CABP7: variants seen among roughly 807,000 people sequenced by gnomAD.
CABP7 encodes the protein calcium-binding protein 7.
A neutral mutation model predicts 23.1 loss-of-function variants in CABP7; 13 were observed. The ratio of observed to expected loss-of-function variants is 0.56; its 90% CI spans 0.37 to 0.90. CABP7 has a LOEUF of 0.90. Ranked by LOEUF, CABP7 falls within the 40% of genes least tolerant of loss-of-function variation. The pLI is 0.01. For synonymous variants in CABP7, 123 were observed against 115.3 expected, an observed-to-expected ratio of 1.07 and a Z score of -0.43; for missense variants, 248 against 295.6, an observed-to-expected ratio of 0.84 and a Z score of 1.18.
At position 29,731,488 on chromosome 22, in the gene CABP7, G is replaced by T; in HGVS notation, c.*1919G>T. ...CTGCATGACTTTTCTGGAAGGCAGA[G>T]CCTCGAAAATAGGCAGACCGTTTGA... On this transcript the variant is annotated 3_prime_UTR_variant, in exon 5 of 5. Coordinates refer to ENST00000216144, the MANE Select transcript of CABP7 (RefSeq NM_182527.3). The T allele has an allele frequency of 8.0e-7, 1 of 1,257,242 alleles. No homozygotes were observed. The highest frequency in any genetic ancestry group is 1.1e-6 in the Non-Finnish European group (1 of 946,050). 77.9% of individuals were successfully genotyped at this position (1,257,242 alleles called of 1,614,324 possible). A position where few individuals can be genotyped will look rare whatever the true frequency, so the allele number is the denominator to read the frequency against.
At chr22:29,728,909 G>A in intron 3 of CABP7, 146 bp from the exon 4 acceptor site, 1 of 1,166,606 alleles carries the variant, frequency 8.6e-7, no homozygotes, top group Non-Finnish European at 1.2e-6. Flanking sequence ...GGAGGCCGGT[G>A]TTGGTCAAGG....
At position 29,731,074 on chromosome 22, in the gene CABP7, G is replaced by C. The variant is rs983972538; in HGVS notation, c.*1505G>C. ...CTGCCCGGTGCAGACCCAGGACGAGGGCTGCACTTGGTGTGGCCGTGTCCT... is the reference window on the plus strand; with the variant it reads ...CTGCCCGGTGCAGACCCAGGACGAGCGCTGCACTTGGTGTGGCCGTGTCCT... On this transcript the variant is annotated 3_prime_UTR_variant, in exon 5 of 5. Coordinates refer to ENST00000216144, the MANE Select transcript of CABP7 (RefSeq NM_182527.3). The C allele has an allele frequency of 3.9e-6, 3 of 776,126 alleles. No individual in the cohort carries two copies. Among genetic ancestry groups the C allele is most frequent in the Non-Finnish European group, 5.7e-6 (3 of 527,288 alleles). The allele number at this position is 776,126 out of a possible 1,614,324, so 48.1% of individuals were successfully genotyped here. A position where few individuals can be genotyped will look rare whatever the true frequency, so the allele number is the denominator to read the frequency against.
At chr22:29,722,453 CAG>C (rs1228075209) in intron 1 of CABP7, among the ~76,000 whole-genome samples, 5 of 152,264 alleles carry the variant, frequency 3.3e-5, no homozygotes, top group Admixed American at 6.5e-5. Flanking sequence ...GGCCCTGACT[CAG>C]GGGGCATCTG....
Position 29,727,259 on chromosome 22 carries a change from A to G in CABP7, c.110-403A>G, listed in dbSNP as rs1354585755. 1.3e-5 allele frequency among the ~76,000 whole-genome samples: 1 copy of G among 76,256 alleles called. No homozygotes were observed. The highest frequency in any genetic ancestry group is 5.0e-5 in the African/African-American group (1 of 19,928). The allele number at this position is 76,256 out of a possible 152,430, so 50.0% of individuals were successfully genotyped here. On this transcript the variant is annotated intron_variant, in intron 1 of 4. Transcript: ENST00000216144. The surrounding 1 kb of genome is among the most constrained non-coding windows in gnomAD (Gnocchi z 4.2). ...GGGGAGGAGGCGCAGCGGGATGGAG[A>G]TGGTGGGGGAGAGGGGGATGAAAGG...
intron 1 of CABP7, among the ~76,000 whole-genome samples, chr22:29,724,851 T>C (rs1479632738): frequency 2.0e-5 from 3 of 152,180 alleles, no homozygotes; most frequent in Non-Finnish European, 4.4e-5. Flanking sequence ...ATCCCAATAT[T>C]CACCTGCCTT....
Position 29,727,320 on chromosome 22 carries a change from G to A in CABP7, c.110-342G>A, listed in dbSNP as rs1478427649. 6.6e-6 allele frequency among the ~76,000 whole-genome samples: 1 copy of A among 152,074 alleles called. No homozygotes were observed. Among genetic ancestry groups the A allele is most frequent in the Non-Finnish European group, 1.5e-5 (1 of 67,992 alleles). ...GGTGGGGAAGCCGTCAGCAGCCGCG[G>A]GGGCCGGGGAGATCCAGCATCCTCC... On this transcript the variant is annotated intron_variant, in intron 1 of 4. Coordinates refer to ENST00000216144, the MANE Select transcript of CABP7 (RefSeq NM_182527.3). The surrounding 1 kb of genome is among the most constrained non-coding windows in gnomAD (Gnocchi z 4.2).
chr22:29,724,041 G>A (rs1162173312), intron 1 of CABP7, among the ~76,000 whole-genome samples: 1 of 152,222 alleles, frequency 6.6e-6, no homozygotes, highest in Non-Finnish European at 1.5e-5. Context: ...TGCCAAGATG[G>A]TACCCGTCAG....
At chr22:29,723,531 T>C (rs1489582182) in intron 1 of CABP7, among the ~76,000 whole-genome samples, 1 of 152,188 alleles carries the variant, frequency 6.6e-6, no homozygotes, top group African/African-American at 2.4e-5. Context: ...TCTTAGCCCT[T>C]TCTGGCCGAA....
chr22:29,724,101 T>A (rs2067779721), intron 1 of CABP7, among the ~76,000 whole-genome samples: 2 of 152,182 alleles, frequency 1.3e-5, no homozygotes, highest in African/African-American at 4.8e-5. Flanking sequence ...TTCGGGGAAA[T>A]GCACCCAGCT....
Position 29,720,544 on chromosome 22 carries a change from G to T in CABP7, c.109+11G>T, listed in dbSNP as rs867232139. On this transcript the variant is annotated intron_variant, in intron 1 of 4. Coordinates refer to ENST00000216144, the MANE Select transcript of CABP7 (RefSeq NM_182527.3). This position sits in a 1 kb window ranked among gnomAD's most constrained non-coding sequence, Gnocchi z 5.2. ...AGGACGAGCTGGAGGGTGAGTGTCC[G>T]CCGGGATCCCCGCCCCGGCGGCCCT... 2 of 1,511,532 alleles carry T rather than the reference G, an allele frequency of 1.3e-6. No individual in the cohort carries two copies. Among genetic ancestry groups the T allele is most frequent in the Non-Finnish European group, 1.8e-6 (2 of 1,126,052 alleles). 93.6% of individuals were successfully genotyped at this position (1,511,532 alleles called of 1,614,324 possible).
At position 29,730,951 on chromosome 22, in the gene CABP7, A is replaced by C; in HGVS notation, c.*1382A>C. The C allele has an allele frequency of 3.4e-6, 1 of 292,534 alleles. No homozygotes were observed. Among genetic ancestry groups the C allele is most frequent in the Non-Finnish European group, 6.2e-6 (1 of 160,354 alleles). The allele number at this position is 292,534 out of a possible 1,614,324, so 18.1% of individuals were successfully genotyped here. Reference sequence around the variant, plus strand: ...ACCCAGTGTAGGGAAACACAGCCAGACCACTGTGGTGACAGACTTTCTTTA... The same window carrying C: ...ACCCAGTGTAGGGAAACACAGCCAGCCCACTGTGGTGACAGACTTTCTTTA... On this transcript the variant is annotated 3_prime_UTR_variant, in exon 5 of 5. Coordinates refer to ENST00000216144, the MANE Select transcript of CABP7 (RefSeq NM_182527.3).
chr22:29,728,780 C>T, intron 3 of CABP7, 38 bp downstream of exon 3: 2 of 1,413,114 alleles, frequency 1.4e-6, no homozygotes, highest in Non-Finnish European at 2.0e-6. Flanking sequence ...GCTGTGCACA[C>T]TGTGGAGTTC....
intron 1 of CABP7, among the ~76,000 whole-genome samples, chr22:29,724,886 C>T (rs1200521573): frequency 6.6e-6 from 1 of 152,184 alleles, no homozygotes; most frequent in Non-Finnish European, 1.5e-5. Flanking sequence ...CGGCCCAGTG[C>T]GTTTTCTCAG....
intron 1 of CABP7, among the ~76,000 whole-genome samples, chr22:29,723,448 A>T (rs1052527649): frequency 1.3e-5 from 2 of 152,318 alleles, no homozygotes; most frequent in Admixed American, 6.5e-5. Context: ...AGAGTCCTCC[A>T]GGAACACTGA....
chr22:29,730,529 C>A lies in CABP7; in HGVS notation c.*960C>A, dbSNP rs906839632. 1 of 152,402 alleles carries A rather than the reference C, an allele frequency of 6.6e-6. No homozygotes were observed. The highest frequency in any genetic ancestry group is 1.5e-5 in the Non-Finnish European group (1 of 68,158). The allele number at this position is 152,402 out of a possible 1,614,324, so 9.4% of individuals were successfully genotyped here. On this transcript the variant is annotated 3_prime_UTR_variant, in exon 5 of 5. Transcript: ENST00000216144. ...GCCAAGAAACTGGCACAGCCCCACACTGTCAGTGCCAAGAGGCTGCGCCAG... is the reference window on the plus strand; with the variant it reads ...GCCAAGAAACTGGCACAGCCCCACAATGTCAGTGCCAAGAGGCTGCGCCAG...
intron 1 of CABP7, among the ~76,000 whole-genome samples, chr22:29,723,449 G>T (rs914052089): frequency 1.3e-5 from 2 of 152,338 alleles, no homozygotes; most frequent in Admixed American, 6.5e-5. Context: ...GAGTCCTCCA[G>T]GAACACTGAG....
rs768232084 is a variant in CABP7, at chr22:29,720,582, C to T, written c.109+49C>T. ...CCCCGGCGGCCCTCCTACCTGTGCG[C>T]CCAGGTGAAGCGCGGGCCAGGGGCG... On this transcript the variant is annotated intron_variant, in intron 1 of 4. Coordinates refer to ENST00000216144, the MANE Select transcript of CABP7 (RefSeq NM_182527.3). The surrounding 1 kb of genome is among the most constrained non-coding windows in gnomAD (Gnocchi z 5.2). The T allele has an allele frequency of 3.6e-5, 47 of 1,316,356 alleles. No individual in the cohort carries two copies. The Admixed American group carries it at 1.0e-3, about 28-fold the overall frequency. 81.5% of individuals were successfully genotyped at this position (1,316,356 alleles called of 1,614,324 possible). A position where few individuals can be genotyped will look rare whatever the true frequency, so the allele number is the denominator to read the frequency against.
In CABP7 at chr22:29,729,565, A is replaced by G. The variant is rs2147209612; in HGVS notation, c.644A>G (p.Lys215Arg). 2 of 1,609,906 alleles carry G rather than the reference A, an allele frequency of 1.2e-6. No homozygotes were observed. The highest frequency in any genetic ancestry group is 4.5e-5 in the East Asian group (2 of 44,878). Reference sequence around the variant, plus strand: ...AACCAGGTGCTGCGCAGTGGCATGAAGTAGACGCCACCTGGATGCCCCATC... The same window carrying G: ...AACCAGGTGCTGCGCAGTGGCATGAGGTAGACGCCACCTGGATGCCCCATC... The part of the protein sequence containing the change: ...AANQVLRSGM[K>R] The change falls in exon 5 of 5, where the codon AAG becomes AGG. Residue 215 changes from lysine to arginine, a missense_variant. Transcript: ENST00000216144.
intron 4 of CABP7, 68 bp downstream of exon 4, chr22:29,729,276 G>T (rs1216334754): frequency 1.3e-6 from 2 of 1,581,544 alleles, no homozygotes; most frequent in African/African-American, 1.3e-5. Context: ...CACGGGGTGG[G>T]GAGAGTCTGC....
Sources: gnomAD v4.1 joint callset for allele counts (sites outside exome capture counted in the v4.1 genomes callset) on GRCh38, gnomAD v4.1.1 for gene constraint, Gnocchi (gnomAD v3.1) non-coding constraint, MANE v1.5 for transcripts, NCBI Gene and HGNC (gene_info 2026-07-23, HGNC 2026-07-21) for gene names.